The following FMOD variants were observed in gnomAD, a reference collection of about 807,000 sequenced individuals.
FMOD encodes the protein KSPG fibromodulin.
A neutral mutation model predicts 27.0 loss-of-function variants in FMOD; 15 were observed. The ratio of observed to expected loss-of-function variants is 0.55; its 90% CI spans 0.37 to 0.85. FMOD has a LOEUF of 0.85. Ranked by LOEUF, FMOD falls within the 40% of genes least tolerant of loss-of-function variation. The pLI is 0.00. For synonymous variants in FMOD, 210 were observed against 214.0 expected (o/e 0.98, Z 0.16); for missense variants, 460 against 483.2 (o/e 0.95, Z 0.45).
intron 1 of FMOD, among the ~76,000 whole-genome samples, chr1:203,348,687 C>G (rs942833730): frequency 1.3e-5 from 2 of 152,186 alleles, no homozygotes; most frequent in African/African-American, 4.8e-5. Context: ...CTCTTCAGAT[C>G]TGAACCCAAA....
intron 1 of FMOD, 96 bp downstream of exon 1, chr1:203,350,937 C>A (rs1658988682): frequency 6.6e-6 from 1 of 152,278 alleles, no homozygotes; most frequent in African/African-American, 2.4e-5. Flanking sequence ...AATGAACCCT[C>A]CCTGCCTCCC....
At chr1:203,344,652 C>A (rs1571517265) in intron 2 of FMOD, among the ~76,000 whole-genome samples, 1 of 152,072 alleles carries the variant, frequency 6.6e-6, no homozygotes, top group African/African-American at 2.4e-5. Flanking sequence ...CCCTGTGCGC[C>A]CCTGAGCTCC....
In FMOD at chr1:203,342,321, C is replaced by A; in HGVS notation, c.*22G>T. On this transcript the variant is annotated 3_prime_UTR_variant, in exon 3 of 3. Transcript: ENST00000354955. ...CCAAATGCCACGGGGGCTCTCCGCC[C>A]AGTACCCGGTGCCAGGGCTGCTCAG... 2 of 1,600,302 alleles carry A rather than the reference C, an allele frequency of 1.2e-6. No homozygotes were observed. The highest frequency in any genetic ancestry group is 8.5e-7 in the Non-Finnish European group (1 of 1,169,962).
chr1:203,344,308 C>T (rs1369513219), intron 2 of FMOD, among the ~76,000 whole-genome samples: 1 of 152,180 alleles, frequency 6.6e-6, no homozygotes, highest in Non-Finnish European at 1.5e-5. Flanking sequence ...CAGATCCCAG[C>T]TGTGGATAGG....
In FMOD at chr1:203,347,703, G is replaced by A. The variant is rs528707535; in HGVS notation, c.568C>T (p.Arg190Trp). ...ELHLDHNQISRVPNNALEGLE... is the reference protein window; with the variant it reads ...ELHLDHNQISWVPNNALEGLE... ...CCCTCCAGAGCATTGTTGGGGACCC[G>A]TGAGATCTGGTTGTGGTCGAGATGG... Residue 190 changes from arginine to tryptophan, a missense_variant, in exon 2 of 3, where the codon CGG (arginine) becomes TGG (tryptophan). Arg to Trp is a moderately radical substitution (Grantham distance 101). Coordinates refer to ENST00000354955, the MANE Select transcript of FMOD (RefSeq NM_002023.5). 1.5e-5 allele frequency: 24 copies of A among 1,613,954 alleles called. No individual in the cohort carries two copies. The highest frequency in any genetic ancestry group is 1.6e-4 in the Middle Eastern group (1 of 6,084).
chr1:203,343,056 A>G (rs1658824866), intron 2 of FMOD, among the ~76,000 whole-genome samples: 8 of 152,224 alleles, frequency 5.3e-5, no homozygotes, highest in Admixed American at 5.2e-4. Flanking sequence ...GCACGTCTCC[A>G]TTCTAAATAC....
chr1:203,347,957 G>A lies in FMOD; in HGVS notation c.314C>T (p.Ser105Phe), dbSNP rs370270022. 354 of 1,607,582 alleles carry A rather than the reference G, an allele frequency of 2.2e-4. 4 individuals are homozygous for A. In the South Asian group the frequency reaches 2.9e-3, roughly 13 times the overall value. ...RNLKYLPFVP[S>F]RMKYVYFQNN... is the part of the protein sequence containing the mutation. The stretch of plus-strand genomic sequence containing the variant: ...CTGGAAGTACACATACTTCATGCGG[G>A]AGGGAACGAAGGGCAGGTACTTGAG... Residue 105 changes from serine (S) to phenylalanine (F), a missense_variant, in exon 2 of 3, where the codon TCC becomes TTC. Coordinates refer to ENST00000354955, the MANE Select transcript of FMOD (RefSeq NM_002023.5).
At chr1:203,349,159 T>G (rs1189796116) in intron 1 of FMOD, among the ~76,000 whole-genome samples, 2 of 152,224 alleles carry the variant, frequency 1.3e-5, no homozygotes, top group African/African-American at 4.8e-5. Flanking sequence ...GCACTCCTCA[T>G]GCTCCACCAT....
At chr1:203,342,524 G>T (rs758077408) in intron 2 of FMOD, 30 bp from the exon 3 acceptor site, 1 of 1,600,250 alleles carries the variant, frequency 6.2e-7, no homozygotes, top group Admixed American at 1.7e-5. Context: ...ACGGGTCAGG[G>T]AGAGAAGCCC....
At position 203,347,291 on chromosome 1, in the gene FMOD, C is replaced by T. The variant is rs1418585457; in HGVS notation, c.979+1G>A. ...CCCGCCTCCCTTTGCCAAGGTCTCA[C>T]CATTGATCCTATTGCCTTGGAGGTA... On this transcript the variant is annotated splice_donor_variant, in intron 2 of 2. Transcript: ENST00000354955. LOFTEE classifies it high-confidence loss of function. 5 of 1,607,456 alleles carry T rather than the reference C, an allele frequency of 3.1e-6. No individual in the cohort carries two copies. The South Asian group carries it at 5.6e-5, about 18-fold the overall frequency.
intron 2 of FMOD, among the ~76,000 whole-genome samples, chr1:203,343,743 G>C (rs905264378): frequency 6.6e-6 from 1 of 152,172 alleles, no homozygotes. Context: ...TCTATTCTTA[G>C]GTGTGACCAT....
At chr1:203,345,199 C>T (rs954692016) in intron 2 of FMOD, among the ~76,000 whole-genome samples, 6 of 151,982 alleles carry the variant, frequency 3.9e-5, no homozygotes, top group East Asian at 3.9e-4. Context: ...GAGTAGACAC[C>T]GAAAATTTGG....
At position 203,340,674 on chromosome 1, in the gene FMOD, C is replaced by T. The variant is rs1658779187; in HGVS notation, c.*1669G>A. On this transcript the variant is annotated 3_prime_UTR_variant, in exon 3 of 3. Coordinates refer to ENST00000354955, the MANE Select transcript of FMOD (RefSeq NM_002023.5). ...TTGGTCAGGTTAGCCACCACTCATGCTTTTCCTGTAATAAGGATCCTTTAT... is the reference window on the plus strand; with the variant it reads ...TTGGTCAGGTTAGCCACCACTCATGTTTTTCCTGTAATAAGGATCCTTTAT... 1 of 152,230 alleles carries T rather than the reference C, an allele frequency of 6.6e-6. No individual in the cohort carries two copies. Among genetic ancestry groups the T allele is most frequent in the Non-Finnish European group, 1.5e-5 (1 of 68,042 alleles). 9.4% of individuals were successfully genotyped at this position (152,230 alleles called of 1,614,324 possible). A position where few individuals can be genotyped will look rare whatever the true frequency, so the allele number is the denominator to read the frequency against.
chr1:203,342,319 C>T lies in FMOD; in HGVS notation c.*24G>A. The T allele has an allele frequency of 6.3e-7, 1 of 1,599,950 alleles. No individual in the cohort carries two copies. ...AGCCAAATGCCACGGGGGCTCTCCG[C>T]CCAGTACCCGGTGCCAGGGCTGCTC... On this transcript the variant is annotated 3_prime_UTR_variant, in exon 3 of 3. Transcript: ENST00000354955.
At chr1:203,349,284 C>T (rs1658951435) in intron 1 of FMOD, among the ~76,000 whole-genome samples, 1 of 152,188 alleles carries the variant, frequency 6.6e-6, no homozygotes. Flanking sequence ...TGAGGTAGGA[C>T]CCTGACATTC....
rs1658881273 is a variant in FMOD at position 203,345,975 on chromosome 1, T to C, written c.979+1317A>G. Reference sequence around the variant, plus strand: ...TAAAAAGACCCCAAAGAAAGAGAGATTTTAATAAAAAAGAGTTTAGGCTGT... The same window carrying C: ...TAAAAAGACCCCAAAGAAAGAGAGACTTTAATAAAAAAGAGTTTAGGCTGT... On this transcript the variant is annotated intron_variant, in intron 2 of 2. Transcript: ENST00000354955. Among the ~76,000 whole-genome samples, 4 of 150,758 alleles carry C rather than the reference T, an allele frequency of 2.7e-5. No homozygotes were observed. In the South Asian group the frequency reaches 8.4e-4, roughly 32 times the overall value.
chr1:203,350,599 A>G (rs1571521614), intron 1 of FMOD, among the ~76,000 whole-genome samples: 1 of 151,930 alleles, frequency 6.6e-6, no homozygotes, highest in African/African-American at 2.4e-5. Flanking sequence ...ACACACACAC[A>G]CACACATTCT....
In FMOD at chr1:203,347,571, G is replaced by C; in HGVS notation, c.700C>G (p.His234Asp). The change falls in exon 2 of 3, where the codon CAC becomes GAC. Residue 234 changes from histidine (H) to aspartate (D), a missense_variant. Physicochemically the swap from His to Asp is moderately conservative, Grantham distance 81 (BLOSUM62 -1). Transcript: ENST00000354955. ...SLILLDLSYN[H>D]LRKVPDGLPS... ...AGCCCATCAGGCACCTTCCGAAGGTGGTTATAACTCAGGTCCAGCAAGATC... is the reference window on the plus strand; with the variant it reads ...AGCCCATCAGGCACCTTCCGAAGGTCGTTATAACTCAGGTCCAGCAAGATC... The C allele has an allele frequency of 6.2e-7, 1 of 1,614,216 alleles. No homozygotes were observed. The highest frequency in any genetic ancestry group is 8.5e-7 in the Non-Finnish European group (1 of 1,180,036).
chr1:203,344,976 C>T (rs1658862354), intron 2 of FMOD, among the ~76,000 whole-genome samples: 1 of 152,166 alleles, frequency 6.6e-6, no homozygotes, highest in Non-Finnish European at 1.5e-5. Context: ...AACTGCCTGT[C>T]AACTTTAAAG....
Sources: gnomAD v4.1 joint callset for allele counts (sites outside exome capture counted in the v4.1 genomes callset) on GRCh38, gnomAD v4.1.1 for gene constraint, MANE v1.5 for transcripts, NCBI Gene and HGNC (gene_info 2026-07-23, HGNC 2026-07-21) for gene names.